NXPE3: variants seen among roughly 807,000 people sequenced by gnomAD.
NXPE3 encodes the protein neurexophilin and PC-esterase domain family member 3.
In NXPE3, 26 loss-of-function variants were observed where a neutral mutation model predicts 46.1. That is an observed-to-expected ratio of 0.56 (90% CI 0.41 to 0.78). The LOEUF (loss-of-function observed/expected upper bound fraction) is 0.78. Ranked by LOEUF, NXPE3 falls within the 30% of genes least tolerant of loss-of-function variation. The pLI is 0.00. For missense variants in NXPE3, 620 were observed against 686.0 expected (o/e 0.90, Z 1.07); for synonymous variants, 272 against 257.9 (o/e 1.05, Z -0.52).
Position 101,822,666 on chromosome 3 carries a change from A to T in NXPE3, c.*712A>T, listed in dbSNP as rs1218778182. The stretch of plus-strand genomic sequence containing the variant: ...TTTTTATTTGATTCAGCTAAATTTT[A>T]TGTGTTGAATACTTACTCTAGAATA... On this transcript the variant is annotated 3_prime_UTR_variant, in exon 8 of 8. Coordinates refer to ENST00000273347, the MANE Select transcript of NXPE3 (RefSeq NM_145037.4). The T allele has an allele frequency of 6.6e-6, 1 of 152,164 alleles. No individual in the cohort carries two copies. The highest frequency in any genetic ancestry group is 1.5e-5 in the Non-Finnish European group (1 of 68,032). 9.4% of individuals were successfully genotyped at this position (152,164 alleles called of 1,614,324 possible).
Position 101,816,649 on chromosome 3 carries a change from G to A in NXPE3, c.923-146G>A. On this transcript the variant is annotated intron_variant, in intron 6 of 7. Transcript: ENST00000273347. The stretch of plus-strand genomic sequence containing the variant: ...AAACCTTTTTTTAATCAGGAGAAAA[G>A]TCTGGGATTTGAGGTCTGACAGCAG... 6.2e-6 allele frequency: 4 copies of A among 649,756 alleles called. No homozygotes were observed. In the East Asian group the frequency reaches 8.3e-5, roughly 13 times the overall value. 40.2% of individuals were successfully genotyped at this position (649,756 alleles called of 1,614,324 possible). A position where few individuals can be genotyped will look rare whatever the true frequency, so the allele number is the denominator to read the frequency against.
In NXPE3 at chr3:101,801,920, G is replaced by C. The variant is rs1941180403; in HGVS notation, c.779G>C (p.Arg260Thr). Reference protein sequence around the residue: ...FKPKKLPCSSRITHFKGGYLK... With the variant: ...FKPKKLPCSSTITHFKGGYLK... The stretch of plus-strand genomic sequence containing the variant: ...CCAAAGAAGCTCCCTTGCAGCAGCA[G>C]AATTACCCATTTCAAAGGTGGATAC... Residue 260 changes from arginine to threonine, a missense_variant, in exon 5 of 8, where the codon AGA becomes ACA. Transcript: ENST00000273347. 2 of 1,613,962 alleles carry C rather than the reference G, an allele frequency of 1.2e-6. No homozygotes were observed. Among genetic ancestry groups the C allele is most frequent in the Non-Finnish European group, 8.5e-7 (1 of 1,180,014 alleles).
intron 6 of NXPE3, among the ~76,000 whole-genome samples, 161 bp downstream of exon 6, chr3:101,807,287 G>A (rs752980746): frequency 2.6e-5 from 4 of 151,996 alleles, no homozygotes; most frequent in Non-Finnish European, 4.4e-5. Context: ...CAGATCTTAT[G>A]TGCATAATTC....
At chr3:101,783,283 G>A (rs931994389) in intron 3 of NXPE3, among the ~76,000 whole-genome samples, 1 of 151,858 alleles carries the variant, frequency 6.6e-6, no homozygotes, top group Non-Finnish European at 1.5e-5. Flanking sequence ...GGATGGTCCC[G>A]ATCTCCTGAC....
rs1942282795 is a variant in NXPE3 at position 101,822,029 on chromosome 3, A to G, written c.*75A>G. 1.5e-6 allele frequency: 2 copies of G among 1,363,468 alleles called. No homozygotes were observed. Among genetic ancestry groups the G allele is most frequent in the African/African-American group, 2.9e-5 (2 of 69,348 alleles). 84.5% of individuals were successfully genotyped at this position (1,363,468 alleles called of 1,614,324 possible). On this transcript the variant is annotated 3_prime_UTR_variant, in exon 8 of 8. Transcript: ENST00000273347. ...GACCTGAGTTACAGAAAGTGGCCCC[A>G]GTGAGAGATGACTGCCCTTAATAAG...
intron 4 of NXPE3, among the ~76,000 whole-genome samples, chr3:101,792,128 T>C (rs1240750636): frequency 2.0e-5 from 3 of 152,156 alleles, no homozygotes; most frequent in Admixed American, 2.0e-4. Flanking sequence ...TTCTTGTAGA[T>C]TTTGTTTCAG....
intron 6 of NXPE3, among the ~76,000 whole-genome samples, chr3:101,811,630 G>T (rs1183154277): frequency 6.6e-6 from 1 of 151,900 alleles, no homozygotes; most frequent in African/African-American, 2.4e-5. Context: ...AGTAGGTCCC[G>T]TGACTCTTCA....
At chr3:101,789,809 C>G (rs1273402827) in intron 4 of NXPE3, among the ~76,000 whole-genome samples, 2 of 152,046 alleles carry the variant, frequency 1.3e-5, no homozygotes, top group East Asian at 1.9e-4. Flanking sequence ...TCCCACCTCC[C>G]CCTCCCAAGT....
At chr3:101,821,368 G>A (rs1009171318) in intron 7 of NXPE3, 36 bp from the exon 8 acceptor site, 3 of 1,584,336 alleles carry the variant, frequency 1.9e-6, no homozygotes, top group South Asian at 1.1e-5. Context: ...TGCTTGGTTT[G>A]AAGGTTTTTA....
At chr3:101,798,521 GTATATATGTA>G (rs1940958807) in intron 4 of NXPE3, among the ~76,000 whole-genome samples, 1 of 73,368 alleles carries the variant, frequency 1.4e-5, no homozygotes, top group South Asian at 3.4e-4. Context: ...ATATGTATGT[GTATATATGTA>G]TGTATATATG....
intron 4 of NXPE3, among the ~76,000 whole-genome samples, chr3:101,799,836 A>G (rs539931559): frequency 6.6e-6 from 1 of 152,292 alleles, no homozygotes; most frequent in South Asian, 2.1e-4. Flanking sequence ...CATCTGGGTT[A>G]TCAAATTTAT....
intron 6 of NXPE3, among the ~76,000 whole-genome samples, chr3:101,810,232 C>T (rs898612197): frequency 1.3e-5 from 2 of 152,188 alleles, no homozygotes; most frequent in Non-Finnish European, 2.9e-5. Context: ...CCCAGATTAT[C>T]ACAGCTGAGT....
chr3:101,780,204 A>G (rs537890308), intron 1 of NXPE3, among the ~76,000 whole-genome samples: 60 of 152,232 alleles, frequency 3.9e-4, no homozygotes, highest in Non-Finnish European at 7.5e-4. Context: ...CAGGACTCCC[A>G]GACCCTGATA....
At chr3:101,790,374 G>A (rs1940435424) in intron 4 of NXPE3, among the ~76,000 whole-genome samples, 1 of 152,052 alleles carries the variant, frequency 6.6e-6, no homozygotes, top group African/African-American at 2.4e-5. Context: ...TTGCATTTCT[G>A]TCAGTTTTCA....
rs1560057624 is a variant in NXPE3, at chr3:101,808,828, T to TAC, written c.922+1703_922+1704insCA. ...TTACTAATTTTAGAGGATATATATA[T>TAC]ATATATATATATATATATATATATA... On this transcript the variant is annotated intron_variant, in intron 6 of 7. Coordinates refer to ENST00000273347, the MANE Select transcript of NXPE3 (RefSeq NM_145037.4). 1.3e-4 allele frequency among the ~76,000 whole-genome samples: 13 copies of TAC among 96,498 alleles called. 1 individual carries two copies. Among genetic ancestry groups the TAC allele is most frequent in the Non-Finnish European group, 2.7e-4 (13 of 48,310 alleles). The allele number at this position is 96,498 out of a possible 152,430, so 63.3% of individuals were successfully genotyped here. A position where few individuals can be genotyped will look rare whatever the true frequency, so the allele number is the denominator to read the frequency against.
chr3:101,818,067 A>AT (rs1236288387), intron 7 of NXPE3, among the ~76,000 whole-genome samples: 1 of 151,290 alleles, frequency 6.6e-6, no homozygotes, highest in African/African-American at 2.4e-5. Flanking sequence ...ATTTTTTTGT[A>AT]TTTTTTGTAG....
At chr3:101,788,285 T>A (rs537992289) in intron 4 of NXPE3, among the ~76,000 whole-genome samples, 15 of 152,328 alleles carry the variant, frequency 9.8e-5, no homozygotes, top group Admixed American at 5.2e-4. Flanking sequence ...ATTCACTCCT[T>A]ATCAGACATA....
intron 6 of NXPE3, among the ~76,000 whole-genome samples, chr3:101,816,167 A>C (rs983335850): frequency 1.3e-5 from 2 of 152,182 alleles, no homozygotes; most frequent in Non-Finnish European, 2.9e-5. Context: ...TCCATCTCAA[A>C]AAAAATGTAA....
At chr3:101,781,164 T>G (rs1442744786) in intron 1 of NXPE3, among the ~76,000 whole-genome samples, 1 of 152,222 alleles carries the variant, frequency 6.6e-6, no homozygotes, top group Non-Finnish European at 1.5e-5. Flanking sequence ...TATTCTGAAC[T>G]AAAGTTCCAG....
Sources: gnomAD v4.1 joint callset for allele counts (sites outside exome capture counted in the v4.1 genomes callset) on GRCh38, gnomAD v4.1.1 for gene constraint, MANE v1.5 for transcripts, NCBI Gene and HGNC (gene_info 2026-07-23, HGNC 2026-07-21) for gene names.